Variants in SEPTIN14 observed in about 807,000 individuals in gnomAD.
SEPTIN14 encodes septin 14.
SEPTIN14 carries 40 observed loss-of-function variants against 53.6 expected under a neutral mutation model. That is an observed-to-expected ratio of 0.75 (90% CI 0.58 to 0.97). The LOEUF (loss-of-function observed/expected upper bound fraction) is 0.97. Ranked by LOEUF, SEPTIN14 falls within the 50% of genes least tolerant of loss-of-function variation. The pLI is 0.00. For synonymous variants in SEPTIN14, 138 were observed against 166.8 expected (o/e 0.83, Z 1.33); for missense variants, 471 against 508.2 (o/e 0.93, Z 0.70).
At chr7:55,857,701 C>T (rs1253996196) in intron 2 of SEPTIN14, among the ~76,000 whole-genome samples, 1 of 147,720 alleles carries the variant, frequency 6.8e-6, no homozygotes, top group African/African-American at 2.5e-5. Context: ...CATTCTCCTG[C>T]CTCAGCCTCC....
chr7:55,804,949 TCTC>T (rs1276793885), intron 9 of SEPTIN14, among the ~76,000 whole-genome samples: 1 of 152,156 alleles, frequency 6.6e-6, no homozygotes, highest in African/African-American at 2.4e-5. Flanking sequence ...ACAAGACTCT[TCTC>T]AGAGTAAATA....
intron 5 of SEPTIN14, among the ~76,000 whole-genome samples, chr7:55,836,319 C>T (rs919381973): frequency 2.0e-5 from 3 of 152,050 alleles, no homozygotes; most frequent in African/African-American, 4.8e-5. Context: ...TGTTTTATTA[C>T]TGTTAAAATA....
intron 2 of SEPTIN14, among the ~76,000 whole-genome samples, chr7:55,857,230 G>C (rs1210779062): frequency 1.4e-5 from 2 of 147,758 alleles, no homozygotes; most frequent in Non-Finnish European, 3.0e-5. Context: ...AAATTAGCCA[G>C]GTGTGGTGGC....
chr7:55,844,026 C>T (rs1444632581), intron 4 of SEPTIN14, among the ~76,000 whole-genome samples: 1 of 152,090 alleles, frequency 6.6e-6, no homozygotes, highest in Admixed American at 6.6e-5. Flanking sequence ...GTCTCAGTTA[C>T]TCAAGAGGCT....
chr7:55,838,977 T>G (rs1468948506), intron 5 of SEPTIN14, among the ~76,000 whole-genome samples: 1 of 152,220 alleles, frequency 6.6e-6, no homozygotes, highest in Non-Finnish European at 1.5e-5. Context: ...AAATGTCATG[T>G]TGACCCACTC....
chr7:55,805,480 C>T (rs1788597714), intron 8 of SEPTIN14, 90 bp from the exon 9 acceptor site: 9 of 850,198 alleles, frequency 1.1e-5, no homozygotes, highest in South Asian at 9.8e-5. Context: ...GAATCAAAAT[C>T]GTGCCACTGC....
chr7:55,824,139 A>G (rs1412280019), intron 6 of SEPTIN14, among the ~76,000 whole-genome samples: 1 of 152,224 alleles, frequency 6.6e-6, no homozygotes, highest in Non-Finnish European at 1.5e-5. Context: ...AGAATCAATG[A>G]GTTGAACTTC....
intron 2 of SEPTIN14, among the ~76,000 whole-genome samples, chr7:55,859,625 C>G (rs572413818): frequency 6.6e-6 from 1 of 151,378 alleles, no homozygotes; most frequent in Admixed American, 6.6e-5. Flanking sequence ...TTTTTCAATC[C>G]CTCCCTTCAC....
At chr7:55,851,712 G>A (rs554128304) in intron 2 of SEPTIN14, among the ~76,000 whole-genome samples, 4 of 152,054 alleles carry the variant, frequency 2.6e-5, no homozygotes, top group Non-Finnish European at 4.4e-5. Context: ...ATTCTCCACA[G>A]AAATAGAAAA....
At chr7:55,836,539 G>C (rs980397949) in intron 5 of SEPTIN14, among the ~76,000 whole-genome samples, 1 of 152,176 alleles carries the variant, frequency 6.6e-6, no homozygotes, top group Non-Finnish European at 1.5e-5. Context: ...AGGAGTTCAA[G>C]ACCAGCCTGA....
chr7:55,862,602 TC>T (rs746316260), intron 1 of SEPTIN14, 85 bp downstream of exon 1: 1 of 152,342 alleles, frequency 6.6e-6, no homozygotes, highest in South Asian at 2.1e-4. Context: ...CCTCTGTTAG[TC>T]CTCATAGTAG....
intron 5 of SEPTIN14, among the ~76,000 whole-genome samples, chr7:55,838,872 C>T (rs1243498413): frequency 3.9e-5 from 6 of 151,980 alleles, no homozygotes; most frequent in African/African-American, 1.2e-4. Context: ...CACAATTTCC[C>T]GTAATCAACA....
At chr7:55,846,090 T>TATATATATATATAG (rs1789402803) in intron 3 of SEPTIN14, among the ~76,000 whole-genome samples, 1 of 127,814 alleles carries the variant, frequency 7.8e-6, no homozygotes, top group Non-Finnish European at 1.6e-5. Context: ...TATATATATA[T>TATATATATATATAG]ATGTATACAT....
intron 6 of SEPTIN14, among the ~76,000 whole-genome samples, chr7:55,823,629 C>T (rs1788934541): frequency 6.6e-6 from 1 of 152,110 alleles, no homozygotes; most frequent in African/African-American, 2.4e-5. Context: ...AAGCAAGGCC[C>T]AGGTGGGGGT....
At chr7:55,848,757 G>A (rs1446754786) in intron 2 of SEPTIN14, among the ~76,000 whole-genome samples, 2 of 151,446 alleles carry the variant, frequency 1.3e-5, no homozygotes, top group Non-Finnish European at 1.5e-5. Context: ...ACAGGCACCT[G>A]CCACTACGCC....
At position 55,795,916 on chromosome 7, in the gene SEPTIN14, T is replaced by C; in HGVS notation, c.1296A>G (p.Lys432=). ...CTCAGAATAGTAAGAGAAACTATTATTTCTTACGATGTTTGTCTTTCTTTG... is the reference window on the plus strand; with the variant it reads ...CTCAGAATAGTAAGAGAAACTATTACTTCTTACGATGTTTGTCTTTCTTTG... The part of the protein sequence containing the change: ...TDTKKDKHRK[K] The change falls in exon 10 of 10, where the codon AAA becomes AAG. Residue 432 remains lysine, a synonymous_variant. Transcript: ENST00000388975. 1.9e-6 allele frequency: 3 copies of C among 1,590,950 alleles called. No individual in the cohort carries two copies. The highest frequency in any genetic ancestry group is 2.6e-6 in the Non-Finnish European group (3 of 1,174,960).
chr7:55,799,858 G>C (rs1463738507), intron 9 of SEPTIN14, among the ~76,000 whole-genome samples: 1 of 152,088 alleles, frequency 6.6e-6, no homozygotes, highest in Non-Finnish European at 1.5e-5. Context: ...TAGGGAAAGA[G>C]TAGATGTGAA....
intron 2 of SEPTIN14, among the ~76,000 whole-genome samples, chr7:55,850,403 G>C (rs1039341498): frequency 6.6e-6 from 1 of 152,150 alleles, no homozygotes; most frequent in African/African-American, 2.4e-5. Context: ...CCAGGAGGCA[G>C]AGGTTGCAGT....
chr7:55,830,349 A>ATATATTTTTTTTTTTTTTTTTT (rs71015108), intron 6 of SEPTIN14, among the ~76,000 whole-genome samples: 1 of 56,838 alleles, frequency 1.8e-5, no homozygotes, highest in African/African-American at 1.0e-4. Context: ...ATATATATAT[A>ATATATTTTTTTTTTTTTTTTTT]TTTTTTTTTT....
Sources: gnomAD v4.1 joint callset for allele counts (sites outside exome capture counted in the v4.1 genomes callset) on GRCh38, gnomAD v4.1.1 for gene constraint, MANE v1.5 for transcripts, NCBI Gene and HGNC (gene_info 2026-07-23, HGNC 2026-07-21) for gene names.